ZNF423: variants seen among roughly 807,000 people sequenced by gnomAD.
The protein encoded by ZNF423 is zinc finger protein 423.
Under a neutral mutation model 95.8 loss-of-function variants are expected in ZNF423, and 12 were observed. The observed-to-expected ratio is 0.13, with a 90% CI of 0.08 to 0.20. The LOEUF is 0.20. ZNF423 is among the 10% of genes least tolerant of loss of function. ZNF423 has a pLI of 1.00. For missense variants in ZNF423, 1,316 were observed against 1,737.1 expected (o/e 0.76, Z 4.31); for synonymous variants, 749 against 711.9 (o/e 1.05, Z -0.83).
chr16:49,695,107 C>G (rs146022288), intron 3 of ZNF423, among the ~76,000 whole-genome samples: 1 of 152,292 alleles, frequency 6.6e-6, no homozygotes, highest in East Asian at 1.9e-4. Flanking sequence ...AGCAACCTTA[C>G]AGGTTTTGGT....
intron 1 of ZNF423, among the ~76,000 whole-genome samples, chr16:49,824,070 AC>A (rs2034978421): frequency 1.3e-5 from 2 of 152,298 alleles, no homozygotes; most frequent in South Asian, 4.2e-4. Flanking sequence ...CAGAGTGATA[AC>A]ATCTCAAAAA....
At chr16:49,657,762 T>C (rs1034549523) in intron 3 of ZNF423, among the ~76,000 whole-genome samples, 1 of 152,210 alleles carries the variant, frequency 6.6e-6, no homozygotes, top group African/African-American at 2.4e-5. Flanking sequence ...TCGCCACATA[T>C]GTGCACTAAG....
At chr16:49,538,167 TGG>T in intron 5 of ZNF423, among the ~76,000 whole-genome samples, 1 of 152,248 alleles carries the variant, frequency 6.6e-6, no homozygotes, top group Non-Finnish European at 1.5e-5. Flanking sequence ...AGGTAAAGAA[TGG>T]GCTCATTGCT....
chr16:49,731,404 C>T, intron 2 of ZNF423: 1 of 984,794 alleles, frequency 1.0e-6, no homozygotes, highest in South Asian at 4.7e-5. Flanking sequence ...TCGCCTTCCA[C>T]ACAACAGGCC....
chr16:49,500,044 T>C (rs1273225190), intron 7 of ZNF423, among the ~76,000 whole-genome samples: 1 of 152,154 alleles, frequency 6.6e-6, no homozygotes, highest in Non-Finnish European at 1.5e-5. Context: ...GCGGTGAGAC[T>C]TTAGATAGCA....
rs1198232094 is a variant in ZNF423 at position 49,532,507 on chromosome 16, A to G, written c.3602-7013T>C. ...CCCATCGTATGGTCCCCTGTGTTTC[A>G]CAAAGGCTTCTAAATGAGCTCTGGC... is the stretch of plus-strand genomic sequence containing the variant. On this transcript the variant is annotated intron_variant, in intron 5 of 7. Transcript: ENST00000563137. 2.6e-5 allele frequency among the ~76,000 whole-genome samples: 4 copies of G among 152,274 alleles called. No individual in the cohort carries two copies. In the East Asian group the frequency reaches 7.7e-4, roughly 29 times the overall value.
chr16:49,724,475 T>G (rs1011671950), intron 3 of ZNF423, among the ~76,000 whole-genome samples: 1 of 152,180 alleles, frequency 6.6e-6, no homozygotes, highest in Non-Finnish European at 1.5e-5. Context: ...TAGCACAGTG[T>G]CTGGCACTGG....
intron 5 of ZNF423, among the ~76,000 whole-genome samples, chr16:49,612,794 A>T (rs185771589): frequency 6.6e-6 from 1 of 152,342 alleles, no homozygotes; most frequent in Admixed American, 6.5e-5. Context: ...TAGAATCTAC[A>T]GAAAAATTCC....
intron 4 of ZNF423, among the ~76,000 whole-genome samples, chr16:49,634,204 C>CTTTT (rs528621494): frequency 1.8e-5 from 2 of 114,248 alleles, no homozygotes; most frequent in South Asian, 3.0e-4. Flanking sequence ...CCACACCTGG[C>CTTTT]TTTTTTTTTT....
intron 5 of ZNF423, among the ~76,000 whole-genome samples, chr16:49,622,468 C>T (rs1204628594): frequency 6.6e-6 from 1 of 152,126 alleles, no homozygotes; most frequent in African/African-American, 2.4e-5. Flanking sequence ...TCATCACCCT[C>T]GCAGCCTGGC....
intron 1 of ZNF423, among the ~76,000 whole-genome samples, chr16:49,803,553 A>T (rs1194212176): frequency 6.6e-6 from 1 of 152,140 alleles, no homozygotes; most frequent in African/African-American, 2.4e-5. Flanking sequence ...ACAAGCACTG[A>T]GCACCTCTAG....
intron 5 of ZNF423, among the ~76,000 whole-genome samples, chr16:49,543,966 G>C (rs1969349450): frequency 6.6e-6 from 1 of 152,208 alleles, no homozygotes; most frequent in Admixed American, 6.5e-5. Context: ...ATAAAGCACT[G>C]AGTAGAGTGG....
chr16:49,731,642 A>G (rs1412026478), intron 2 of ZNF423, among the ~76,000 whole-genome samples: 1 of 150,568 alleles, frequency 6.6e-6, no homozygotes, highest in Non-Finnish European at 1.5e-5. Flanking sequence ...GCAAGACTCT[A>G]TCTCTACAAA....
At chr16:49,558,339 G>A (rs1969905521) in intron 5 of ZNF423, among the ~76,000 whole-genome samples, 1 of 152,184 alleles carries the variant, frequency 6.6e-6, no homozygotes, top group Non-Finnish European at 1.5e-5. Context: ...AGCACCCCAG[G>A]AGCATTAGCT....
intron 7 of ZNF423, among the ~76,000 whole-genome samples, chr16:49,519,581 C>A (rs1332855740): frequency 6.6e-6 from 1 of 152,036 alleles, no homozygotes; most frequent in Non-Finnish European, 1.5e-5. Flanking sequence ...GTTCTGTGTC[C>A]CGTCTCATTA....
In ZNF423 at chr16:49,575,212, C is replaced by G. The variant is rs139932993; in HGVS notation, c.3602-49718G>C. 8.9e-4 allele frequency among the ~76,000 whole-genome samples: 136 copies of G among 152,240 alleles called. 2 individuals are homozygous for G. The highest frequency in any genetic ancestry group is 3.4e-3 in the Middle Eastern group (1 of 294). On this transcript the variant is annotated intron_variant, in intron 5 of 7. Coordinates refer to ENST00000563137, the MANE Select transcript of ZNF423 (RefSeq NM_001379286.1). ...AACTTAGGCAATTCATTTGCGATCA[C>G]CAGGGGTTTCACTTGCTTTCAACAC...
At chr16:49,742,207 T>A (rs1245790567) in intron 2 of ZNF423, among the ~76,000 whole-genome samples, 5 of 152,118 alleles carry the variant, frequency 3.3e-5, no homozygotes, top group African/African-American at 9.7e-5. Flanking sequence ...CCTGCAGGGC[T>A]CAGCTGCCAC....
At chr16:49,798,661 ATTG>A (rs2034535964) in intron 1 of ZNF423, among the ~76,000 whole-genome samples, 1 of 152,244 alleles carries the variant, frequency 6.6e-6, no homozygotes, top group Non-Finnish European at 1.5e-5. Context: ...AAGAAAAACC[ATTG>A]TTAAGAATTA....
intron 1 of ZNF423, among the ~76,000 whole-genome samples, chr16:49,844,770 G>T (rs2035225598): frequency 6.6e-6 from 1 of 152,110 alleles, no homozygotes; most frequent in Non-Finnish European, 1.5e-5. Flanking sequence ...AGGCCCTGTG[G>T]CTCACGCCTG....
Sources: gnomAD v4.1 joint callset for allele counts (sites outside exome capture counted in the v4.1 genomes callset) on GRCh38, gnomAD v4.1.1 for gene constraint, MANE v1.5 for transcripts, NCBI Gene and HGNC (gene_info 2026-07-23, HGNC 2026-07-21) for gene names.